ADAMTS15: variants seen among roughly 807,000 people sequenced by gnomAD.
ADAMTS15 encodes A disintegrin and metalloproteinase with thrombospondin motifs 15.
In ADAMTS15, 35 loss-of-function variants were observed where a neutral mutation model predicts 79.1. The ratio of observed to expected loss-of-function variants is 0.44; its 90% CI spans 0.34 to 0.59. The LOEUF (loss-of-function observed/expected upper bound fraction) is 0.59, where lower values mean the gene tolerates loss of function less well. ADAMTS15 is among the 20% of genes least tolerant of loss of function. The pLI, the probability that ADAMTS15 is intolerant of heterozygous loss-of-function variation, is 0.02. For missense variants in ADAMTS15, 1,324 were observed against 1,318.7 expected (o/e 1.00, Z -0.06); for synonymous variants, 616 against 567.3 (o/e 1.09, Z -1.22).
rs748750217 is a variant in ADAMTS15 at position 130,473,102 on chromosome 11, C to G, written c.2134C>G (p.Arg712Gly). 3 of 1,613,908 alleles carry G rather than the reference C, an allele frequency of 1.9e-6. No individual in the cohort carries two copies. The highest frequency in any genetic ancestry group is 2.5e-6 in the Non-Finnish European group (3 of 1,180,038). The change falls in exon 8 of 8, where the codon CGC becomes GGC. Residue 712 changes from arginine to glycine, a missense_variant. Coordinates refer to ENST00000299164, the MANE Select transcript of ADAMTS15 (RefSeq NM_139055.4). ...IPAGASSIDI[R>G]QRGYKGLIGD... ...CGCAGGCGCCTCAAGCATCGACATC[C>G]GCCAGCGCGGTTACAAAGGGCTGAT...
chr11:130,468,743 C>T (rs1180960474), intron 4 of ADAMTS15, among the ~76,000 whole-genome samples: 3 of 127,994 alleles, frequency 2.3e-5, no homozygotes, highest in East Asian at 2.2e-4. Context: ...CCAGCCTGGG[C>T]GAAAGAGTGA....
chr11:130,469,545 T>C, intron 5 of ADAMTS15, 106 bp downstream of exon 5: 3 of 888,152 alleles, frequency 3.4e-6, no homozygotes, highest in Non-Finnish European at 4.5e-6. Flanking sequence ...GGTAATTGGG[T>C]ACACAGGTAA....
intron 7 of ADAMTS15, among the ~76,000 whole-genome samples, chr11:130,471,855 C>T (rs2134741032): frequency 6.6e-6 from 1 of 152,356 alleles, no homozygotes; most frequent in East Asian, 1.9e-4. Flanking sequence ...ACACGGTTAG[C>T]ATCGTAGCTT....
At chr11:130,470,164 A>ATATATATATATGTG (rs1938407500) in intron 5 of ADAMTS15, among the ~76,000 whole-genome samples, 2 of 58,232 alleles carry the variant, frequency 3.4e-5, no homozygotes, top group African/African-American at 2.1e-4. Context: ...GTATATATAT[A>ATATATATATATGTG]TATATATATA....
At chr11:130,453,140 G>T (rs1937999000) in intron 1 of ADAMTS15, among the ~76,000 whole-genome samples, 1 of 152,174 alleles carries the variant, frequency 6.6e-6, no homozygotes, top group Non-Finnish European at 1.5e-5. Flanking sequence ...CTAAGGAAGT[G>T]CTCCAAGGGA....
chr11:130,469,222 C>A, intron 4 of ADAMTS15, 40 bp from the exon 5 acceptor site: 2 of 1,362,972 alleles, frequency 1.5e-6, no homozygotes, highest in East Asian at 2.8e-5. Context: ...GGGTGTGGCA[C>A]CTGGATCCAC....
chr11:130,470,133 C>CATATATATATATATATATGTGTGTATAT (rs1938394117), intron 5 of ADAMTS15, among the ~76,000 whole-genome samples: 1 of 74,820 alleles, frequency 1.3e-5, no homozygotes, highest in African/African-American at 5.9e-5. Flanking sequence ...TATATATATA[C>CATATATATATATATATATGTGTGTATAT]ATATATATAT....
intron 4 of ADAMTS15, among the ~76,000 whole-genome samples, chr11:130,464,656 C>G (rs1044598607): frequency 3.3e-5 from 5 of 152,150 alleles, no homozygotes; most frequent in African/African-American, 1.2e-4. Context: ...CAATTGTGCT[C>G]ACTGGTCTCA....
At chr11:130,450,975 A>C (rs1013120662) in intron 1 of ADAMTS15, among the ~76,000 whole-genome samples, 1 of 152,208 alleles carries the variant, frequency 6.6e-6, no homozygotes, top group African/African-American at 2.4e-5. Context: ...GCCTTTTGCA[A>C]GGCCTTTCCT....
chr11:130,461,907 G>A (rs878904955), intron 2 of ADAMTS15, among the ~76,000 whole-genome samples, 180 bp from the exon 3 acceptor site: 4 of 152,160 alleles, frequency 2.6e-5, no homozygotes, highest in African/African-American at 7.2e-5. Context: ...ACAGCCTGAC[G>A]GAGGGGACAG....
Position 130,473,614 on chromosome 11 carries a change from T to A in ADAMTS15, c.2646T>A (p.His882Gln). 1 of 1,609,892 alleles carries A rather than the reference T, an allele frequency of 6.2e-7. No homozygotes were observed. The change falls in exon 8 of 8, where the codon CAT becomes CAA. Residue 882 changes from histidine (H) to glutamine (Q), a missense_variant. Transcript: ENST00000299164. ...CGGTCCCTGCCTGTGATGCAGCCCA[T>A]CGGCCCGTGGAGACACAAGCCTGCG... ...QRTVPACDAA[H>Q]RPVETQACGE...
Position 130,473,745 on chromosome 11 carries a change from G to T in ADAMTS15, c.2777G>T (p.Arg926Leu). 6.3e-7 allele frequency: 1 copy of T among 1,599,522 alleles called. No homozygotes were observed. The highest frequency in any genetic ancestry group is 1.1e-5 in the South Asian group (1 of 91,080). The change falls in exon 8 of 8, where the codon CGG becomes CTG. Residue 926 changes from arginine (R) to leucine (L), a missense_variant. Coordinates refer to ENST00000299164, the MANE Select transcript of ADAMTS15 (RefSeq NM_139055.4). ...RSLKCVGHGG[R>L]LLARDQCNLH... ...CTCAAGTGTGTGGGCCACGGAGGCC[G>T]GCTGCTGGCCCGGGACCAGTGCAAC...
At chr11:130,470,159 T>TACACAC (rs1565397668) in intron 5 of ADAMTS15, among the ~76,000 whole-genome samples, 3 of 50,186 alleles carry the variant, frequency 6.0e-5, no homozygotes, top group Non-Finnish European at 1.1e-4. Context: ...TATGTGTATA[T>TACACAC]ATATATATAT....
chr11:130,464,985 G>A (rs892078716), intron 4 of ADAMTS15, among the ~76,000 whole-genome samples: 5 of 146,876 alleles, frequency 3.4e-5, no homozygotes, highest in African/African-American at 7.6e-5. Flanking sequence ...AAAAAAAAAA[G>A]AAAAAGAAAA....
At chr11:130,454,837 A>C (rs996779445) in intron 1 of ADAMTS15, among the ~76,000 whole-genome samples, 2 of 152,022 alleles carry the variant, frequency 1.3e-5, no homozygotes, top group Non-Finnish European at 2.9e-5. Flanking sequence ...TTTTTCTTTT[A>C]TTTTTAACCG....
chr11:130,462,022 C>G lies in ADAMTS15; in HGVS notation c.1091-65C>G, dbSNP rs1486669481. 3 of 1,419,370 alleles carry G rather than the reference C, an allele frequency of 2.1e-6. No individual in the cohort carries two copies. Among genetic ancestry groups the G allele is most frequent in the Non-Finnish European group, 2.9e-6 (3 of 1,021,540 alleles). The allele number at this position is 1,419,370 out of a possible 1,614,324, so 87.9% of individuals were successfully genotyped here. A position where few individuals can be genotyped will look rare whatever the true frequency, so the allele number is the denominator to read the frequency against. On this transcript the variant is annotated intron_variant, in intron 2 of 7. Coordinates refer to ENST00000299164, the MANE Select transcript of ADAMTS15 (RefSeq NM_139055.4). This position sits in a 1 kb window ranked among gnomAD's most constrained non-coding sequence, Gnocchi z 4.3. ...CATGGGCTTTCTAGTTCCCCTGCCC[C>G]ATTCCTCCCTCCAACCCCCATGTCC...
Position 130,462,488 on chromosome 11 carries a change from T to A in ADAMTS15, c.1259-9T>A. The stretch of plus-strand genomic sequence containing the variant: ...GCTCATCCTAACGAACGCCCTCGGC[T>A]CTCTGCAGGTGACTGCCTCCTGGAC... On this transcript the variant is annotated splice_polypyrimidine_tract_variant and intron_variant, in intron 3 of 7. Coordinates refer to ENST00000299164, the MANE Select transcript of ADAMTS15 (RefSeq NM_139055.4). The surrounding 1 kb of genome is among the most constrained non-coding windows in gnomAD (Gnocchi z 4.3). 6.3e-6 allele frequency: 10 copies of A among 1,578,046 alleles called. No homozygotes were observed. Among genetic ancestry groups the A allele is most frequent in the Non-Finnish European group, 8.6e-6 (10 of 1,157,178 alleles).
chr11:130,457,827 T>C (rs922345001), intron 1 of ADAMTS15, among the ~76,000 whole-genome samples: 3 of 152,186 alleles, frequency 2.0e-5, no homozygotes, highest in Non-Finnish European at 4.4e-5. Flanking sequence ...CCAGCGGTTC[T>C]TCATTGAGTC....
chr11:130,450,035 A>T (rs1937930491), intron 1 of ADAMTS15, 105 bp downstream of exon 1: 5 of 1,517,150 alleles, frequency 3.3e-6, no homozygotes, highest in Non-Finnish European at 4.4e-6. Context: ...CTCCGAGTTT[A>T]AACCTCGTTG....
Sources: allele counts gnomAD v4.1 joint callset (sites outside exome capture counted in the v4.1 genomes callset), GRCh38; gene constraint gnomAD v4.1.1; non-coding constraint Gnocchi (gnomAD v3.1); transcripts MANE v1.5; gene names NCBI Gene and HGNC (gene_info 2026-07-23, HGNC 2026-07-21).